Variants in SNX1 observed in about 807,000 individuals in gnomAD.
SNX1 encodes sorting nexin-1.
SNX1 carries 36 observed loss-of-function variants against 71.8 expected under a neutral mutation model. The observed-to-expected ratio is 0.50, with a 90% CI of 0.38 to 0.66. The LOEUF (loss-of-function observed/expected upper bound fraction) is 0.66, where lower values mean the gene tolerates loss of function less well. Ranked by LOEUF, SNX1 falls within the 30% of genes least tolerant of loss-of-function variation. SNX1 has a pLI of 0.00. For missense variants in SNX1, 612 were observed against 646.7 expected, an observed-to-expected ratio of 0.95 and a Z score of 0.58; for synonymous variants, 254 against 240.7, an observed-to-expected ratio of 1.06 and a Z score of -0.51.
Position 64,123,647 on chromosome 15 carries a change from G to C in SNX1, c.510+101G>C, listed in dbSNP as rs1430073807. 4.1e-6 allele frequency: 4 copies of C among 977,084 alleles called. No individual in the cohort carries two copies. The Admixed American group carries it at 7.4e-5, about 18-fold the overall frequency. The allele number at this position is 977,084 out of a possible 1,614,324, so 60.5% of individuals were successfully genotyped here. On this transcript the variant is annotated intron_variant, in intron 5 of 14. Coordinates refer to ENST00000559844, the MANE Select transcript of SNX1 (RefSeq NM_003099.5). ...TTCTGGGTATCTCCTTTGTTTCTTT[G>C]CCAACATCTTCATGTTTACTCAAGA...
rs1342627128 is a variant in SNX1, at chr15:64,138,244, T to A, written c.*626T>A. On this transcript the variant is annotated 3_prime_UTR_variant, in exon 15 of 15. Coordinates refer to ENST00000559844, the MANE Select transcript of SNX1 (RefSeq NM_003099.5). Reference sequence around the variant, plus strand: ...TCCCACTTCTTTAGGGAAGGAGTTTTAAAAACATCTCTTAAAATAAGAGGA... The same window carrying A: ...TCCCACTTCTTTAGGGAAGGAGTTTAAAAAACATCTCTTAAAATAAGAGGA... 9 of 1,458,966 alleles carry A rather than the reference T, an allele frequency of 6.2e-6. No homozygotes were observed. The Admixed American group carries it at 1.1e-4, about 18-fold the overall frequency. The allele number at this position is 1,458,966 out of a possible 1,614,324, so 90.4% of individuals were successfully genotyped here.
chr15:64,127,166 C>T lies in SNX1; in HGVS notation c.653-8C>T. 6.2e-7 allele frequency: 1 copy of T among 1,601,096 alleles called. No homozygotes were observed. The highest frequency in any genetic ancestry group is 8.5e-7 in the Non-Finnish European group (1 of 1,172,194). On this transcript the variant is annotated splice_polypyrimidine_tract_variant and splice_region_variant and intron_variant, in intron 6 of 14. Transcript: ENST00000559844. ...TATGGTTATTTTGCTTTTTAAATTC[C>T]ATTCTAGGGATGACAAAAGTGAAAG...
chr15:64,137,702 G>C lies in SNX1; in HGVS notation c.*84G>C. 1 of 1,602,014 alleles carries C rather than the reference G, an allele frequency of 6.2e-7. No homozygotes were observed. The highest frequency in any genetic ancestry group is 1.1e-5 in the South Asian group (1 of 89,616). On this transcript the variant is annotated 3_prime_UTR_variant, in exon 15 of 15. Transcript: ENST00000559844. ...TCCACCTTGATGGACCCCTAGTGAT[G>C]CATCCTGCCTAGGCTGGACTTAACC...
chr15:64,143,379 A>G lies in SNX1; in HGVS notation c.*5761A>G, dbSNP rs1263675850. 1 of 152,238 alleles carries G rather than the reference A, an allele frequency of 6.6e-6. No individual in the cohort carries two copies. Among genetic ancestry groups the G allele is most frequent in the Non-Finnish European group, 1.5e-5 (1 of 68,050 alleles). 9.4% of individuals were successfully genotyped at this position (152,238 alleles called of 1,614,324 possible). On this transcript the variant is annotated 3_prime_UTR_variant, in exon 15 of 15. Coordinates refer to ENST00000559844, the MANE Select transcript of SNX1 (RefSeq NM_003099.5). ...TGATTTACAGTCTCCACCAAATGCT[A>G]AACTCTGGGGTCTTACGCCTTTATA...
intron 4 of SNX1, among the ~76,000 whole-genome samples, chr15:64,121,892 G>A (rs1459692161): frequency 6.6e-6 from 1 of 152,132 alleles, no homozygotes; most frequent in Non-Finnish European, 1.5e-5. Flanking sequence ...TCCTGCACAC[G>A]TCTAAATAAT....
rs2081432579 is a variant in SNX1 at position 64,143,220 on chromosome 15, C to T, written c.*5602C>T. On this transcript the variant is annotated 3_prime_UTR_variant, in exon 15 of 15. Transcript: ENST00000559844. ...TGGATGTACACTCTGTCTTTGGAGACACTGGCTAAGATTCTCTGCTCCATG... is the reference window on the plus strand; with the variant it reads ...TGGATGTACACTCTGTCTTTGGAGATACTGGCTAAGATTCTCTGCTCCATG... 1 of 152,534 alleles carries T rather than the reference C, an allele frequency of 6.6e-6. No individual in the cohort carries two copies. The highest frequency in any genetic ancestry group is 1.5e-5 in the Non-Finnish European group (1 of 68,304). 9.4% of individuals were successfully genotyped at this position (152,534 alleles called of 1,614,324 possible). A position where few individuals can be genotyped will look rare whatever the true frequency, so the allele number is the denominator to read the frequency against.
rs1288695320 is a variant in SNX1, at chr15:64,139,155, T to TG, written c.*1538dup. On this transcript the variant is annotated 3_prime_UTR_variant, in exon 15 of 15. Coordinates refer to ENST00000559844, the MANE Select transcript of SNX1 (RefSeq NM_003099.5). Reference sequence around the variant, plus strand: ...TATTATATGCTTGCTTTTACATAGTTGTAATAATATACACATAAAGTATTT... The same window carrying TG: ...TATTATATGCTTGCTTTTACATAGTTGGTAATAATATACACATAAAGTATTT... The TG allele has an allele frequency of 2.0e-5, 3 of 152,228 alleles. No individual in the cohort carries two copies. The highest frequency in any genetic ancestry group is 7.2e-5 in the African/African-American group (3 of 41,462). The allele number at this position is 152,228 out of a possible 1,614,324, so 9.4% of individuals were successfully genotyped here.
chr15:64,121,994 G>A (rs982419405), intron 4 of SNX1, among the ~76,000 whole-genome samples: 2 of 152,112 alleles, frequency 1.3e-5, no homozygotes, highest in African/African-American at 4.8e-5. Flanking sequence ...GGAAATTTAC[G>A]TAAATTTAAA....
At chr15:64,126,640 C>T (rs1321363750) in intron 6 of SNX1, among the ~76,000 whole-genome samples, 6 of 152,018 alleles carry the variant, frequency 3.9e-5, no homozygotes, top group South Asian at 4.1e-4. Context: ...AGTGCAGTGG[C>T]GCGATCTCAG....
At chr15:64,126,790 G>T (rs927106141) in intron 6 of SNX1, among the ~76,000 whole-genome samples, 1 of 152,138 alleles carries the variant, frequency 6.6e-6, no homozygotes. Flanking sequence ...ACGTTGGCCA[G>T]GATGGTCTTG....
intron 1 of SNX1, among the ~76,000 whole-genome samples, chr15:64,102,761 C>CTTTTTTTTTTTTTTTTT (rs60616312): frequency 1.3e-5 from 1 of 76,408 alleles, no homozygotes. Context: ...ACCACGCCTT[C>CTTTTTTTTTTTTTTTTT]TTTTTTTTTT....
At chr15:64,117,974 G>A (rs1280082896) in intron 2 of SNX1, 143 bp from the exon 3 acceptor site, 4 of 740,312 alleles carry the variant, frequency 5.4e-6, no homozygotes, top group Non-Finnish European at 8.7e-6. Context: ...TTTTCTCCTT[G>A]TAAACATTTT....
Position 64,131,788 on chromosome 15 carries a change from G to A in SNX1, c.1117G>A (p.Val373Met). ...LSRALSQLAE[V>M]EEKIEQLHQE... Reference sequence around the variant, plus strand: ...ACGGGCACTCTCCCAGCTGGCTGAGGTGGAAGAAAAAATTGAGCAGCTCCA... The same window carrying A: ...ACGGGCACTCTCCCAGCTGGCTGAGATGGAAGAAAAAATTGAGCAGCTCCA... Residue 373 changes from valine to methionine, a missense_variant, in exon 11 of 15, where the codon GTG becomes ATG. Around this residue, in one of 2 missense-constraint regions of SNX1, gnomAD observed 296 missense variants for 361.9 expected, o/e 0.82. Transcript: ENST00000559844. The A allele has an allele frequency of 1.2e-6, 2 of 1,614,200 alleles. No homozygotes were observed. The highest frequency in any genetic ancestry group is 1.7e-6 in the Non-Finnish European group (2 of 1,180,034).
intron 5 of SNX1, among the ~76,000 whole-genome samples, chr15:64,123,802 C>G (rs1260274022): frequency 6.6e-6 from 1 of 152,140 alleles, no homozygotes; most frequent in Admixed American, 6.5e-5. Context: ...ACAGCCCCAT[C>G]CCTCTTAGAG....
chr15:64,126,148 T>A lies in SNX1; in HGVS notation c.580T>A (p.Tyr194Asn). 6.2e-7 allele frequency: 1 copy of A among 1,614,176 alleles called. No individual in the cohort carries two copies. Among genetic ancestry groups the A allele is most frequent in the Non-Finnish European group, 8.5e-7 (1 of 1,179,996 alleles). Reference protein sequence around the residue: ...KRRFSDFLGLYEKLSEKHSQN... With the variant: ...KRRFSDFLGLNEKLSEKHSQN... ...AAGATTTAGTGACTTTCTGGGTCTT[T>A]ATGAGAAGCTTTCCGAGAAGCACTC... The change falls in exon 6 of 15, where the codon TAT becomes AAT. Residue 194 changes from tyrosine (Y) to asparagine (N), a missense_variant. This residue lies in a region of SNX1 where 316 missense variants were observed against 284.9 expected (regional missense o/e 1.11). Coordinates refer to ENST00000559844, the MANE Select transcript of SNX1 (RefSeq NM_003099.5).
At chr15:64,099,799 CCTCCTGGGTTCAAGCGATT>C (rs1367565458) in intron 1 of SNX1, among the ~76,000 whole-genome samples, 1 of 152,204 alleles carries the variant, frequency 6.6e-6, no homozygotes, top group Non-Finnish European at 1.5e-5. Flanking sequence ...GCAGCCCCTG[CCTCCTGGGTTCAAGCGATT>C]CTCCTGCCTC....
At chr15:64,136,102 C>T (rs2081356661) in intron 12 of SNX1, among the ~76,000 whole-genome samples, 2 of 152,202 alleles carry the variant, frequency 1.3e-5, no homozygotes, top group Admixed American at 1.3e-4. Context: ...CACACTTGGT[C>T]CCAGATGCCT....
chr15:64,131,508 C>A, intron 10 of SNX1, 179 bp from the exon 11 acceptor site: 1 of 619,446 alleles, frequency 1.6e-6, no homozygotes. Flanking sequence ...TGTGACCAGG[C>A]CACATTCTCT....
At chr15:64,109,439 A>G (rs571982477) in intron 1 of SNX1, among the ~76,000 whole-genome samples, 1 of 152,344 alleles carries the variant, frequency 6.6e-6, no homozygotes, top group East Asian at 1.9e-4. Context: ...ACAGATTCAA[A>G]TGACCAGCAA....
Sources: gnomAD v4.1 joint callset for allele counts (sites outside exome capture counted in the v4.1 genomes callset) on GRCh38, gnomAD v4.1.1 for gene constraint, gnomAD v4.1.1 regional missense constraint, MANE v1.5 for transcripts, NCBI Gene and HGNC (gene_info 2026-07-23, HGNC 2026-07-21) for gene names.